TMEM132C: variants seen among roughly 807,000 people sequenced by gnomAD.
TMEM132C encodes transmembrane protein 132C.
TMEM132C carries 29 observed loss-of-function variants against 61.4 expected under a neutral mutation model. The ratio of observed to expected loss-of-function variants is 0.47; its 90% CI spans 0.35 to 0.64. The LOEUF is 0.64. TMEM132C is among the 30% of genes least tolerant of loss of function. The probability of loss-of-function intolerance (pLI) is 0.00; values close to 1 mark genes in which losing one functional copy is unlikely to be tolerated. For synonymous variants in TMEM132C, 656 were observed against 633.1 expected, an observed-to-expected ratio of 1.04 and a Z score of -0.54; for missense variants, 1,408 against 1,476.9, an observed-to-expected ratio of 0.95 and a Z score of 0.76.
chr12:128,629,548 A>T (rs1168505879), intron 4 of TMEM132C, among the ~76,000 whole-genome samples: 1 of 152,166 alleles, frequency 6.6e-6, no homozygotes, highest in Non-Finnish European at 1.5e-5. Flanking sequence ...CAAAGAGCAG[A>T]ATGGTGGCTG....
intron 4 of TMEM132C, among the ~76,000 whole-genome samples, chr12:128,646,690 C>T (rs1478467119): frequency 6.8e-6 from 1 of 147,878 alleles, no homozygotes; most frequent in Non-Finnish European, 1.5e-5. Flanking sequence ...AGTCCATCGG[C>T]GTTGGATGTG....
chr12:128,601,208 A>G (rs1242537727), intron 3 of TMEM132C, among the ~76,000 whole-genome samples: 1 of 152,186 alleles, frequency 6.6e-6, no homozygotes, highest in Non-Finnish European at 1.5e-5. Flanking sequence ...TGATAGCTTC[A>G]AAGGATGCGT....
Position 128,640,270 on chromosome 12 carries a change from C to A in TMEM132C, c.1305+23935C>A, listed in dbSNP as rs75998996. ...TTTATGATTTCTGCTTAGTAGCTCTCAGTTCAAGAGTACTGCAGTCACTCA... is the reference window on the plus strand; with the variant it reads ...TTTATGATTTCTGCTTAGTAGCTCTAAGTTCAAGAGTACTGCAGTCACTCA... On this transcript the variant is annotated intron_variant, in intron 4 of 8. Coordinates refer to ENST00000435159, the MANE Select transcript of TMEM132C (RefSeq NM_001136103.3). Among the ~76,000 whole-genome samples the A allele has an allele frequency of 4.8e-3, 734 of 152,310 alleles. 8 individuals carry two copies. The highest frequency in any genetic ancestry group is 0.016 in the African/African-American group (683 of 41,556).
intron 2 of TMEM132C, among the ~76,000 whole-genome samples, chr12:128,506,859 C>G (rs1447435625): frequency 6.6e-6 from 1 of 152,170 alleles, no homozygotes; most frequent in African/African-American, 2.4e-5. Flanking sequence ...GACAGGGTCA[C>G]AGTGAGTGCT....
rs557463412 is a variant in TMEM132C at position 128,540,408 on chromosome 12, C to T, written c.975-3549C>T. On this transcript the variant is annotated intron_variant, in intron 2 of 8. Coordinates refer to ENST00000435159, the MANE Select transcript of TMEM132C (RefSeq NM_001136103.3). ...AGCTGGGACTACAGGCATGCACCAC[C>T]ATGCCCAGCTAATTTTTGTATTTTT... Among the ~76,000 whole-genome samples the T allele has an allele frequency of 7.9e-5, 12 of 152,260 alleles. No individual in the cohort carries two copies. The South Asian group carries it at 2.5e-3, about 32-fold the overall frequency.
intron 1 of TMEM132C, among the ~76,000 whole-genome samples, chr12:128,283,590 G>C (rs983325780): frequency 6.6e-6 from 1 of 151,636 alleles, no homozygotes; most frequent in African/African-American, 2.4e-5. Flanking sequence ...GCTATCTACT[G>C]TTCTCTGTCT....
chr12:128,426,327 C>G (rs76406635), intron 2 of TMEM132C, among the ~76,000 whole-genome samples: 7,881 of 152,308 alleles, frequency 0.052, 577 homozygotes, highest in African/African-American at 0.16. Context: ...GCATTGTCCA[C>G]ATACCTGGCT....
chr12:128,644,568 G>T (rs1037930524), intron 4 of TMEM132C, among the ~76,000 whole-genome samples: 4 of 152,220 alleles, frequency 2.6e-5, no homozygotes, highest in African/African-American at 9.7e-5. Flanking sequence ...GGGACAGAAA[G>T]CAGGATCAGT....
At chr12:128,297,275 C>CA (rs1871443059) in intron 1 of TMEM132C, among the ~76,000 whole-genome samples, 1 of 152,148 alleles carries the variant, frequency 6.6e-6, no homozygotes, top group African/African-American at 2.4e-5. Flanking sequence ...CTGTGAACAC[C>CA]ATGCAGAAGT....
rs1874416025 is a variant in TMEM132C, at chr12:128,558,892, C to T, written c.1121+14789C>T. ...GTCACTTTCCTAAGGTATATTCCCC[C>T]TTGTTCCTACTTTTGTTATTTTTAT... On this transcript the variant is annotated intron_variant, in intron 3 of 8. Transcript: ENST00000435159. Among the ~76,000 whole-genome samples the T allele has an allele frequency of 2.6e-5, 4 of 152,338 alleles. No individual in the cohort carries two copies. The South Asian group carries it at 6.2e-4, about 24-fold the overall frequency.
chr12:128,617,082 C>T (rs4882708), intron 4 of TMEM132C, among the ~76,000 whole-genome samples: 147,907 of 152,314 alleles, frequency 0.97, 71,860 homozygotes, highest in East Asian at 1. Flanking sequence ...CAAACATTAT[C>T]GGGCATGCAG....
chr12:128,321,143 ATAAT>A (rs1872318894), intron 1 of TMEM132C, among the ~76,000 whole-genome samples: 1 of 103,638 alleles, frequency 9.6e-6, no homozygotes, highest in Non-Finnish European at 2.1e-5. Flanking sequence ...TTGAAAAATA[ATAAT>A]AATAATAATA....
chr12:128,595,743 T>G (rs1292427001), intron 3 of TMEM132C, among the ~76,000 whole-genome samples: 1 of 152,162 alleles, frequency 6.6e-6, no homozygotes, highest in Admixed American at 6.5e-5. Flanking sequence ...TTCTCTTTTC[T>G]TTCTTCTTTG....
intron 3 of TMEM132C, among the ~76,000 whole-genome samples, chr12:128,605,336 T>C (rs1000357366): frequency 3.3e-5 from 5 of 152,126 alleles, no homozygotes; most frequent in Non-Finnish European, 4.4e-5. Context: ...TCCCAGGCAA[T>C]CAGACAGGAG....
chr12:128,280,459 C>T (rs1870854868), intron 1 of TMEM132C, among the ~76,000 whole-genome samples: 1 of 152,098 alleles, frequency 6.6e-6, no homozygotes, highest in Non-Finnish European at 1.5e-5. Context: ...AAACACAGAC[C>T]AGAATTCTAT....
rs1565929031 is a variant in TMEM132C at position 128,414,712 on chromosome 12, C to T, written c.86-20C>T. On this transcript the variant is annotated intron_variant, in intron 1 of 8. Coordinates refer to ENST00000435159, the MANE Select transcript of TMEM132C (RefSeq NM_001136103.3). Reference sequence around the variant, plus strand: ...AATCCTGTCTTTGTCTTTTTCTTTTCTTTCTTTTTCCCTTTTTAGTGATAG... The same window carrying T: ...AATCCTGTCTTTGTCTTTTTCTTTTTTTTCTTTTTCCCTTTTTAGTGATAG... The T allele has an allele frequency of 1.4e-5, 21 of 1,491,728 alleles. No individual in the cohort carries two copies. Among genetic ancestry groups the T allele is most frequent in the Admixed American group, 6.8e-5 (3 of 43,802 alleles). The allele number at this position is 1,491,728 out of a possible 1,614,324, so 92.4% of individuals were successfully genotyped here.
At chr12:128,625,618 A>C (rs1047888252) in intron 4 of TMEM132C, among the ~76,000 whole-genome samples, 3 of 152,210 alleles carry the variant, frequency 2.0e-5, no homozygotes, top group African/African-American at 7.2e-5. Flanking sequence ...TAAAACCAAC[A>C]GATCTCCTGA....
rs73424467 is a variant in TMEM132C at position 128,531,539 on chromosome 12, A to C, written c.975-12418A>C. Among the ~76,000 whole-genome samples the C allele has an allele frequency of 3.3e-3, 498 of 152,320 alleles. 2 individuals carry two copies. Among genetic ancestry groups the C allele is most frequent in the African/African-American group, 0.011 (463 of 41,584 alleles). ...TGGGTTTCCGTGGCTTCACACATAC[A>C]CACATGCATACACACACATAACCAC... is the stretch of plus-strand genomic sequence containing the variant. On this transcript the variant is annotated intron_variant, in intron 2 of 8. Coordinates refer to ENST00000435159, the MANE Select transcript of TMEM132C (RefSeq NM_001136103.3).
intron 2 of TMEM132C, among the ~76,000 whole-genome samples, chr12:128,459,488 G>A (rs1206071400): frequency 6.6e-6 from 1 of 152,140 alleles, no homozygotes; most frequent in Admixed American, 6.5e-5. Context: ...GGGTTAAAAG[G>A]AGTTAGAAGA....
Sources: allele counts gnomAD v4.1 joint callset (sites outside exome capture counted in the v4.1 genomes callset), GRCh38; gene constraint gnomAD v4.1.1; transcripts MANE v1.5; gene names NCBI Gene and HGNC (gene_info 2026-07-23, HGNC 2026-07-21).